UNC13C: variants seen among roughly 807,000 people sequenced by gnomAD.
The protein encoded by UNC13C is protein unc-13 homolog C.
In UNC13C, 174 loss-of-function variants were observed where a neutral mutation model predicts 245.4. That is an observed-to-expected ratio of 0.71 (90% CI 0.63 to 0.80). UNC13C has a LOEUF of 0.80. Ranked by LOEUF, UNC13C falls within the 30% of genes least tolerant of loss-of-function variation. UNC13C has a pLI of 0.00. For synonymous variants in UNC13C, 992 were observed against 895.1 expected (o/e 1.11, Z -1.93); for missense variants, 2,829 against 2,602.9 (o/e 1.09, Z -1.89).
At chr15:54,070,438 C>CA (rs1898267197) in intron 2 of UNC13C, among the ~76,000 whole-genome samples, 1 of 152,118 alleles carries the variant, frequency 6.6e-6, no homozygotes, top group Admixed American at 6.5e-5. Flanking sequence ...GGCAAGTTAC[C>CA]ACCAGCTGCA....
chr15:54,371,021 T>C lies in UNC13C; in HGVS notation c.4714-22027T>C, dbSNP rs1047905473. 9.2e-5 allele frequency among the ~76,000 whole-genome samples: 14 copies of C among 152,222 alleles called. 1 individual carries two copies. Among genetic ancestry groups the C allele is most frequent in the Admixed American group, 7.8e-4 (12 of 15,294 alleles). On this transcript the variant is annotated intron_variant, in intron 17 of 32. Coordinates refer to ENST00000260323, the MANE Select transcript of UNC13C (RefSeq NM_001080534.3). Reference sequence around the variant, plus strand: ...CATAGTTATGATTTTTGTTGTGAGATTACTTTATATCCACTCTCTTAGCAC... The same window carrying C: ...CATAGTTATGATTTTTGTTGTGAGACTACTTTATATCCACTCTCTTAGCAC...
the UNC13C span, among the ~76,000 whole-genome samples, chr15:53,905,797 G>A: frequency 6.6e-6 from 1 of 152,142 alleles, no homozygotes; most frequent in Non-Finnish European, 1.5e-5. Flanking sequence ...GTAACTATGT[G>A]AGGTGATGGA....
At chr15:54,437,441 C>G (rs1342655711) in intron 19 of UNC13C, among the ~76,000 whole-genome samples, 2 of 151,880 alleles carry the variant, frequency 1.3e-5, no homozygotes, top group East Asian at 1.9e-4. Flanking sequence ...GTAATATAAT[C>G]TGAGTCTAAT....
chr15:54,586,329 C>T (rs1038321643), intron 30 of UNC13C, among the ~76,000 whole-genome samples: 14 of 152,126 alleles, frequency 9.2e-5, no homozygotes, highest in Non-Finnish European at 1.5e-4. Context: ...ATATTTATTC[C>T]CTCACAGTTT....
At position 54,506,804 on chromosome 15, in the gene UNC13C, T is replaced by C. The variant is rs1894495038; in HGVS notation, c.5302-313T>C. 2.6e-5 allele frequency among the ~76,000 whole-genome samples: 4 copies of C among 152,292 alleles called. No homozygotes were observed. The South Asian group carries it at 6.2e-4, about 24-fold the overall frequency. On this transcript the variant is annotated intron_variant, in intron 22 of 32. Transcript: ENST00000260323. ...TTTCTACTGCTATTGTTGCCTTATC[T>C]CTTCTAAGAAAATCATATCTACATT...
intron 30 of UNC13C, among the ~76,000 whole-genome samples, chr15:54,609,099 G>T (rs538566779): frequency 6.6e-6 from 1 of 152,114 alleles, no homozygotes; most frequent in Non-Finnish European, 1.5e-5. Flanking sequence ...TGTTAATTGT[G>T]GTCATCTCTT....
chr15:54,052,722 C>T lies in UNC13C; in HGVS notation c.2983+36836C>T, dbSNP rs149908314. On this transcript the variant is annotated intron_variant, in intron 2 of 32. Coordinates refer to ENST00000260323, the MANE Select transcript of UNC13C (RefSeq NM_001080534.3). ...TTAAATTTGTTTTATAAGTTGTTTC[C>T]TTCCTGGGTTGTAAAGGTTGTGCTT... is the stretch of plus-strand genomic sequence containing the variant. Among the ~76,000 whole-genome samples the T allele has an allele frequency of 6.4e-3, 967 of 152,044 alleles. 5 individuals are homozygous for T. Among genetic ancestry groups the T allele is most frequent in the Non-Finnish European group, 8.7e-3 (588 of 67,976 alleles).
intron 25 of UNC13C, among the ~76,000 whole-genome samples, chr15:54,531,974 T>C (rs1056814948): frequency 1.3e-5 from 2 of 152,222 alleles, no homozygotes; most frequent in African/African-American, 4.8e-5. Context: ...ACAATGCTTT[T>C]AAGCATATGG....
intron 4 of UNC13C, among the ~76,000 whole-genome samples, chr15:54,233,722 A>T (rs936003863): frequency 1.3e-5 from 2 of 152,210 alleles, no homozygotes; most frequent in African/African-American, 4.8e-5. Context: ...CAGCAAGAAC[A>T]TAGAGGCCAT....
At position 54,431,747 on chromosome 15, in the gene UNC13C, A is replaced by G. The variant is rs1180403491; in HGVS notation, c.4933+16680A>G. Among the ~76,000 whole-genome samples the G allele has an allele frequency of 2.0e-5, 3 of 151,808 alleles. No individual in the cohort carries two copies. In the Admixed American group the frequency reaches 2.0e-4, roughly 10 times the overall value. ...AAGCACAAGCTCAGAGAATTAGACCATATGGTCTCTGTAGCTATAATACTT... is the reference window on the plus strand; with the variant it reads ...AAGCACAAGCTCAGAGAATTAGACCGTATGGTCTCTGTAGCTATAATACTT... On this transcript the variant is annotated intron_variant, in intron 19 of 32. Transcript: ENST00000260323.
rs1003162998 is a variant in UNC13C at position 54,012,910 on chromosome 15, G to A, written c.7G>A (p.Ala3Thr). Reference sequence around the variant, plus strand: ...CTTGCACTAATTGCTCTCCATGGTGGCTAATTTTTTCAAGAGCTTGATTTT... The same window carrying A: ...CTTGCACTAATTGCTCTCCATGGTGACTAATTTTTTCAAGAGCTTGATTTT... The part of the protein sequence containing the change: MV[A>T]NFFKSLILPY... The change falls in exon 2 of 33, where the codon GCT becomes ACT. Residue 3 changes from alanine to threonine, a missense_variant. Physicochemically the swap from Ala to Thr is moderately conservative, Grantham distance 58 (BLOSUM62 0). Transcript: ENST00000260323. 1 of 1,595,072 alleles carries A rather than the reference G, an allele frequency of 6.3e-7. No individual in the cohort carries two copies. Among genetic ancestry groups the A allele is most frequent in the Non-Finnish European group, 8.5e-7 (1 of 1,171,820 alleles).
the UNC13C span, among the ~76,000 whole-genome samples, chr15:53,899,181 T>C: frequency 1.3e-5 from 2 of 152,324 alleles, no homozygotes; most frequent in East Asian, 3.9e-4. Flanking sequence ...CTTATTTATG[T>C]ATATGTTTAT....
At chr15:54,085,218 G>A (rs1340699721) in intron 2 of UNC13C, among the ~76,000 whole-genome samples, 2 of 152,212 alleles carry the variant, frequency 1.3e-5, no homozygotes, top group East Asian at 1.9e-4. Flanking sequence ...GATCCTAGAG[G>A]AGACAAAAAT....
chr15:54,123,081 G>A (rs111909220), intron 2 of UNC13C, among the ~76,000 whole-genome samples: 3 of 151,956 alleles, frequency 2.0e-5, no homozygotes, highest in Non-Finnish European at 4.4e-5. Context: ...AGCAGAGTTT[G>A]TGTTGCTTCA....
intron 14 of UNC13C, among the ~76,000 whole-genome samples, chr15:54,323,795 C>T (rs1455308452): frequency 1.3e-5 from 2 of 152,054 alleles, no homozygotes; most frequent in Non-Finnish European, 2.9e-5. Flanking sequence ...TAATATAAAG[C>T]ATGCTGCACT....
At chr15:54,623,757 C>A in intron 31 of UNC13C, 38 bp from the exon 32 acceptor site, 1 of 1,575,480 alleles carries the variant, frequency 6.3e-7, no homozygotes, top group Non-Finnish European at 8.6e-7. Flanking sequence ...AATTTCCACA[C>A]ATCTGTTTGC....
chr15:54,588,363 T>C (rs1405255485), intron 30 of UNC13C, among the ~76,000 whole-genome samples: 5 of 152,254 alleles, frequency 3.3e-5, no homozygotes, highest in African/African-American at 1.2e-4. Flanking sequence ...TAATTTAACT[T>C]ATCTATGTCT....
At chr15:54,545,149 C>A (rs1896428398) in intron 26 of UNC13C, among the ~76,000 whole-genome samples, 1 of 152,132 alleles carries the variant, frequency 6.6e-6, no homozygotes, top group South Asian at 2.1e-4. Context: ...CACCACACAT[C>A]CACAACCACC....
At chr15:54,392,214 A>G (rs1475823775) in intron 17 of UNC13C, among the ~76,000 whole-genome samples, 1 of 152,070 alleles carries the variant, frequency 6.6e-6, no homozygotes, top group African/African-American at 2.4e-5. Context: ...AAATGACCAG[A>G]ATAGCTTATC....
Sources: gnomAD v4.1 joint callset for allele counts (sites outside exome capture counted in the v4.1 genomes callset) on GRCh38, gnomAD v4.1.1 for gene constraint, MANE v1.5 for transcripts, NCBI Gene and HGNC (gene_info 2026-07-23, HGNC 2026-07-21) for gene names.